The following IMPACT variants were observed in gnomAD, a reference collection of about 807,000 sequenced individuals.
IMPACT encodes protein IMPACT.
IMPACT carries 35 observed loss-of-function variants against 47.5 expected under a neutral mutation model. The observed-to-expected ratio is 0.74, with a 90% CI of 0.56 to 0.98. The LOEUF (loss-of-function observed/expected upper bound fraction) is 0.98. IMPACT is among the 50% of genes least tolerant of loss of function. IMPACT has a pLI of 0.00. For missense variants in IMPACT, 373 were observed against 394.8 expected (o/e 0.94, Z 0.47); for synonymous variants, 118 against 125.6 (o/e 0.94, Z 0.40).
rs377550496 is a variant in IMPACT, at chr18:24,428,050, A to G, written c.165+3A>G. The G allele has an allele frequency of 2.8e-4, 441 of 1,569,636 alleles. 1 individual carries two copies. Among genetic ancestry groups the G allele is most frequent in the Non-Finnish European group, 3.6e-4 (424 of 1,164,976 alleles). On this transcript the variant is annotated splice_donor_region_variant and intron_variant, in intron 2 of 10. Transcript: ENST00000284202. ...CCAAATGGACACTTTGCTTGCAGGT[A>G]CTTTTTCCCCCTTCCTTGCAGCCAT...
intron 4 of IMPACT, 26 bp from the exon 5 acceptor site, chr18:24,437,926 ATTT>A: frequency 9.5e-7 from 1 of 1,052,682 alleles, no homozygotes; most frequent in Non-Finnish European, 1.4e-6. Context: ...TGAAATAACA[ATTT>A]TTTTTTTCCC....
intron 2 of IMPACT, 29 bp from the exon 3 acceptor site, chr18:24,428,840 A>G (rs755756907): frequency 4.4e-5 from 70 of 1,587,656 alleles, no homozygotes; most frequent in Non-Finnish European, 6.0e-5. Context: ...GATGAAGTGT[A>G]AACAGATGTT....
intron 4 of IMPACT, among the ~76,000 whole-genome samples, chr18:24,430,658 G>A (rs959402688): frequency 2.0e-5 from 3 of 152,140 alleles, no homozygotes; most frequent in African/African-American, 7.2e-5. Context: ...CAGCTATTCA[G>A]GAGGTTGAGA....
intron 5 of IMPACT, among the ~76,000 whole-genome samples, chr18:24,438,688 A>G (rs1039576161): frequency 6.6e-6 from 1 of 152,074 alleles, no homozygotes; most frequent in African/African-American, 2.4e-5. Flanking sequence ...GCTGATCTCA[A>G]ACTCCTAAGC....
At chr18:24,429,070 A>C (rs1908684590) in intron 3 of IMPACT, 149 bp downstream of exon 3, 1 of 513,062 alleles carries the variant, frequency 1.9e-6, no homozygotes, top group South Asian at 3.2e-5. Flanking sequence ...TAGAGCATTT[A>C]AATAAAAATT....
rs1191316010 is a variant in IMPACT, at chr18:24,450,944, C to CCT, written c.*97_*98insCT. ...TGTGCAGAGAGAGTATCCTTGACTG[C>CCT]TTAAGTCAGCCAGTTCAGCATGGAT... On this transcript the variant is annotated 3_prime_UTR_variant, in exon 11 of 11. Coordinates refer to ENST00000284202, the MANE Select transcript of IMPACT (RefSeq NM_018439.4). 11 of 673,416 alleles carry CCT rather than the reference C, an allele frequency of 1.6e-5. No individual in the cohort carries two copies. Among genetic ancestry groups the CCT allele is most frequent in the Admixed American group, 1.2e-4 (4 of 32,538 alleles). The allele number at this position is 673,416 out of a possible 1,614,324, so 41.7% of individuals were successfully genotyped here. A position where few individuals can be genotyped will look rare whatever the true frequency, so the allele number is the denominator to read the frequency against.
At position 24,452,142 on chromosome 18, in the gene IMPACT, G is replaced by A. The variant is rs1909402526; in HGVS notation, c.*1295G>A. 1 of 152,124 alleles carries A rather than the reference G, an allele frequency of 6.6e-6. No individual in the cohort carries two copies. The highest frequency in any genetic ancestry group is 1.5e-5 in the Non-Finnish European group (1 of 68,020). The allele number at this position is 152,124 out of a possible 1,614,324, so 9.4% of individuals were successfully genotyped here. On this transcript the variant is annotated 3_prime_UTR_variant, in exon 11 of 11. Transcript: ENST00000284202. ...AGAGCATGGAAAGCACAGAGAATTG[G>A]ACAAACAGGTCTTTTTCTCTTTTCT...
rs950596892 is a variant in IMPACT at position 24,442,029 on chromosome 18, T to C, written c.491-1020T>C. ...GAAAAGAACAGTATCAGAGGGAAGG[T>C]GTAAAACATCTTACATAAACCTACT... On this transcript the variant is annotated intron_variant, in intron 6 of 10. Transcript: ENST00000284202. Among the ~76,000 whole-genome samples the C allele has an allele frequency of 2.0e-5, 3 of 152,302 alleles. No individual in the cohort carries two copies. In the East Asian group the frequency reaches 5.8e-4, roughly 29 times the overall value.
intron 10 of IMPACT, 115 bp downstream of exon 10, chr18:24,450,068 T>C (rs1909344872): frequency 1.8e-6 from 2 of 1,133,732 alleles, no homozygotes; most frequent in African/African-American, 1.5e-5. Flanking sequence ...GGTAAAACCT[T>C]TGGACTCAGA....
At chr18:24,430,247 T>G (rs1407148547) in intron 3 of IMPACT, 75 bp from the exon 4 acceptor site, 1 of 1,018,722 alleles carries the variant, frequency 9.8e-7, no homozygotes, top group African/African-American at 1.6e-5. Context: ...AAAAATTTAT[T>G]TGTGATGTAA....
intron 7 of IMPACT, among the ~76,000 whole-genome samples, chr18:24,443,470 C>G (rs1276402535): frequency 3.3e-5 from 5 of 152,128 alleles, no homozygotes; most frequent in Admixed American, 3.3e-4. Flanking sequence ...AGCCACCTAG[C>G]CAGGCCTGTC....
chr18:24,448,085 A>C lies in IMPACT; in HGVS notation c.669-8A>C, dbSNP rs371778306. 1 of 1,563,344 alleles carries C rather than the reference A, an allele frequency of 6.4e-7. No individual in the cohort carries two copies. Among genetic ancestry groups the C allele is most frequent in the Non-Finnish European group, 8.8e-7 (1 of 1,134,244 alleles). Reference sequence around the variant, plus strand: ...TTCAAAGTGTAATACTCTTACATGTATTTGCAGAATATATTGTGAGGATAA... The same window carrying C: ...TTCAAAGTGTAATACTCTTACATGTCTTTGCAGAATATATTGTGAGGATAA... On this transcript the variant is annotated splice_polypyrimidine_tract_variant and splice_region_variant and intron_variant, in intron 8 of 10. Transcript: ENST00000284202.
intron 6 of IMPACT, among the ~76,000 whole-genome samples, chr18:24,442,339 G>C (rs1020273853): frequency 6.6e-6 from 1 of 151,962 alleles, no homozygotes; most frequent in Non-Finnish European, 1.5e-5. Flanking sequence ...TTTTAGTAGA[G>C]ACGGGGGTTT....
intron 1 of IMPACT, 91 bp downstream of exon 1, chr18:24,426,883 G>A: frequency 1.1e-6 from 1 of 911,154 alleles, no homozygotes; most frequent in Non-Finnish European, 1.4e-6. Flanking sequence ...CCTCCGCCTG[G>A]GGCCGCCCCG....
rs372300318 is a variant in IMPACT at position 24,430,348 on chromosome 18, G to T, written c.245G>T (p.Arg82Leu). ...LNAPWLKGQE[R>L]ADLSNSLEEI... is the part of the protein sequence containing the mutation. ...GCTCCTTGGCTTAAAGGGCAAGAAC[G>T]TGCGGATTTATCAAATAGCCTTGAG... The change falls in exon 4 of 11, where the codon CGT becomes CTT. Residue 82 changes from arginine (R) to leucine (L), a missense_variant. By Grantham distance (102) the Arg-to-Leu change is moderately radical (BLOSUM62 -2). Coordinates refer to ENST00000284202, the MANE Select transcript of IMPACT (RefSeq NM_018439.4). The T allele has an allele frequency of 1.9e-6, 3 of 1,597,858 alleles. No homozygotes were observed. Among genetic ancestry groups the T allele is most frequent in the Non-Finnish European group, 2.6e-6 (3 of 1,174,550 alleles).
At chr18:24,436,085 A>G (rs963021207) in intron 4 of IMPACT, among the ~76,000 whole-genome samples, 7 of 152,220 alleles carry the variant, frequency 4.6e-5, no homozygotes, top group Admixed American at 6.5e-5. Context: ...GGGCCCATAT[A>G]AAGTTTAGTC....
chr18:24,436,049 G>A (rs1908930214), intron 4 of IMPACT, among the ~76,000 whole-genome samples: 1 of 152,124 alleles, frequency 6.6e-6, no homozygotes, highest in Admixed American at 6.5e-5. Context: ...CTAAGAAAAG[G>A]GAGGTAAGGG....
At chr18:24,440,454 C>T (rs1318437243) in intron 5 of IMPACT, 42 bp from the exon 6 acceptor site, 3 of 1,596,986 alleles carry the variant, frequency 1.9e-6, no homozygotes, top group East Asian at 2.3e-5. Flanking sequence ...AGCATCGTTT[C>T]TTACCTGCGT....
intron 4 of IMPACT, among the ~76,000 whole-genome samples, chr18:24,432,610 A>G (rs1315565237): frequency 6.6e-6 from 1 of 152,018 alleles, no homozygotes; most frequent in Admixed American, 6.6e-5. Flanking sequence ...GTTTTCTGAT[A>G]TCTCTCCCTA....
Sources: gnomAD v4.1 joint callset for allele counts (sites outside exome capture counted in the v4.1 genomes callset) on GRCh38, gnomAD v4.1.1 for gene constraint, MANE v1.5 for transcripts, NCBI Gene and HGNC (gene_info 2026-07-23, HGNC 2026-07-21) for gene names.